The following RFC3 variants were observed in gnomAD, a reference collection of about 807,000 sequenced individuals.
RFC3 encodes the protein A1 38 kDa subunit.
RFC3 carries 41 observed loss-of-function variants against 45.1 expected under a neutral mutation model. The ratio of observed to expected loss-of-function variants is 0.91; its 90% CI spans 0.71 to 1.18. The LOEUF (loss-of-function observed/expected upper bound fraction) is 1.18, where lower values mean the gene tolerates loss of function less well. Among genes scored for constraint, RFC3 ranks in the 50% most tolerant of loss-of-function variants. The pLI is 0.00. For missense variants in RFC3, 423 were observed against 428.1 expected, an observed-to-expected ratio of 0.99 and a Z score of 0.10; for synonymous variants, 149 against 144.0, an observed-to-expected ratio of 1.03 and a Z score of -0.25.
chr13:33,884,738 G>A (rs2082509023), intron 8 of RFC3, among the ~76,000 whole-genome samples: 2 of 152,098 alleles, frequency 1.3e-5, no homozygotes, highest in South Asian at 4.1e-4. Context: ...CTTTCCCCAG[G>A]GCTGAAGTAT....
rs151200130 is a variant in RFC3 at position 33,900,867 on chromosome 13, A to T, written c.880-65220A>T. ...AAAAAATAATAAATATAATAATCCA[A>T]TTGAAAATGGACAAAAAATGTGATT... On this transcript the variant is annotated intron_variant, in intron 8 of 8. Coordinates refer to the RFC3 transcript ENST00000434425. Among the ~76,000 whole-genome samples, 17 of 151,626 alleles carry T rather than the reference A, an allele frequency of 1.1e-4. No individual in the cohort carries two copies. In the South Asian group the frequency reaches 3.1e-3, roughly 28 times the overall value.
intron 8 of RFC3, among the ~76,000 whole-genome samples, chr13:33,893,506 T>A (rs1041671216): frequency 9.2e-5 from 14 of 152,034 alleles, no homozygotes; most frequent in Non-Finnish European, 1.5e-4. Flanking sequence ...CAGGGTACTA[T>A]GACCTCTTCA....
chr13:33,912,095 A>ATGTAT (rs1173573552), intron 8 of RFC3, among the ~76,000 whole-genome samples: 1 of 152,102 alleles, frequency 6.6e-6, no homozygotes, highest in Non-Finnish European at 1.5e-5. Flanking sequence ...ATTCTTAGCC[A>ATGTAT]TGTGATCTGG....
the RFC3 span, among the ~76,000 whole-genome samples, chr13:33,975,143 G>A: frequency 3.9e-5 from 6 of 152,124 alleles, no homozygotes; most frequent in African/African-American, 1.4e-4. Flanking sequence ...TAACCAAGAC[G>A]TCCTTCAAAG....
At chr13:33,850,481 A>G (rs1034199024) in intron 8 of RFC3, 2 of 152,100 alleles carry the variant, frequency 1.3e-5, no homozygotes, top group East Asian at 1.9e-4. Context: ...AAATTGATAC[A>G]CTGAGAAAAC....
chr13:33,913,871 G>A (rs555538762), intron 8 of RFC3, among the ~76,000 whole-genome samples: 6 of 152,220 alleles, frequency 3.9e-5, no homozygotes, highest in African/African-American at 1.4e-4. Flanking sequence ...TATAGAACAT[G>A]TGACTATACA....
At chr13:33,857,666 A>T (rs1249137697) in intron 8 of RFC3, among the ~76,000 whole-genome samples, 1 of 152,140 alleles carries the variant, frequency 6.6e-6, no homozygotes, top group Non-Finnish European at 1.5e-5. Flanking sequence ...CTCTTTGCTC[A>T]TTAAAACCCA....
At chr13:33,887,943 A>G (rs1397529783) in intron 8 of RFC3, among the ~76,000 whole-genome samples, 3 of 152,148 alleles carry the variant, frequency 2.0e-5, no homozygotes, top group African/African-American at 7.2e-5. Context: ...AGTTGTAGAT[A>G]CGCAGCATTA....
intron 8 of RFC3, among the ~76,000 whole-genome samples, chr13:33,946,930 C>T (rs2082957914): frequency 1.3e-5 from 2 of 152,146 alleles, no homozygotes; most frequent in African/African-American, 4.8e-5. Context: ...TTTACATGTT[C>T]ATGATTTCAT....
chr13:33,958,020 A>G (rs1490448930), intron 8 of RFC3, among the ~76,000 whole-genome samples: 1 of 152,178 alleles, frequency 6.6e-6, no homozygotes, highest in Non-Finnish European at 1.5e-5. Context: ...TAAAAAAATC[A>G]TACTAACAAA....
At chr13:33,821,044 T>TA in intron 1 of RFC3, 88 bp from the exon 2 acceptor site, 1 of 1,344,124 alleles carries the variant, frequency 7.4e-7, no homozygotes, top group South Asian at 1.5e-5. Context: ...GGTAGACACA[T>TA]AAAATATTTG....
chr13:33,942,534 G>T (rs2082931265), intron 8 of RFC3, among the ~76,000 whole-genome samples: 1 of 152,068 alleles, frequency 6.6e-6, no homozygotes, highest in Admixed American at 6.6e-5. Context: ...AACATCAATG[G>T]CAGTGGGCTC....
At position 33,830,843 on chromosome 13, in the gene RFC3, G is replaced by A. The variant is rs1472487253; in HGVS notation, c.698G>A (p.Cys233Tyr). 1 of 1,613,382 alleles carries A rather than the reference G, an allele frequency of 6.2e-7. No individual in the cohort carries two copies. The change falls in exon 6 of 9, where the codon TGC (cysteine) becomes TAC (tyrosine). Residue 233 changes from cysteine (C) to tyrosine (Y), a missense_variant. Coordinates refer to ENST00000380071, the MANE Select transcript of RFC3 (RefSeq NM_002915.4). ...LRKALLMCEA[C>Y]RVQQYPFTAD... The stretch of plus-strand genomic sequence containing the variant: ...AAAGCCCTGCTTATGTGTGAAGCCT[G>A]CAGAGTGCAACAGTGAGTGGAAGGG...
intron 8 of RFC3, among the ~76,000 whole-genome samples, chr13:33,942,531 A>G (rs892722040): frequency 1.3e-5 from 2 of 152,112 alleles, no homozygotes; most frequent in African/African-American, 2.4e-5. Context: ...TTCAACATCA[A>G]TGGCAGTGGG....
At chr13:33,951,306 C>T in intron 8 of RFC3, among the ~76,000 whole-genome samples, 1 of 149,544 alleles carries the variant, frequency 6.7e-6, no homozygotes, top group African/African-American at 2.5e-5. Flanking sequence ...GATCTCGGGT[C>T]ACTGCAACCT....
intron 8 of RFC3, among the ~76,000 whole-genome samples, chr13:33,889,981 G>C (rs1566018003): frequency 6.6e-6 from 1 of 152,188 alleles, no homozygotes. Flanking sequence ...CTGAGTGCTA[G>C]GGATATACTG....
chr13:33,869,017 G>A (rs571280441), intron 8 of RFC3, among the ~76,000 whole-genome samples: 1 of 152,326 alleles, frequency 6.6e-6, no homozygotes, highest in Non-Finnish European at 1.5e-5. Context: ...TCCAGCAAGG[G>A]CAGTGGCTAG....
intron 8 of RFC3, among the ~76,000 whole-genome samples, chr13:33,964,507 G>T (rs1308196992): frequency 6.6e-6 from 1 of 152,150 alleles, no homozygotes; most frequent in African/African-American, 2.4e-5. Context: ...ACCAGCTCTG[G>T]CTATGGGAAT....
intron 8 of RFC3, among the ~76,000 whole-genome samples, chr13:33,937,559 C>G (rs548497801): frequency 6.6e-6 from 1 of 152,144 alleles, no homozygotes; most frequent in Non-Finnish European, 1.5e-5. Flanking sequence ...ACTAAAGCCT[C>G]TGTCTTTTGA....
Sources: gnomAD v4.1 joint callset for allele counts (sites outside exome capture counted in the v4.1 genomes callset) on GRCh38, gnomAD v4.1.1 for gene constraint, MANE v1.5 for transcripts, NCBI Gene and HGNC (gene_info 2026-07-23, HGNC 2026-07-21) for gene names.